Variants in WWOX observed in about 807,000 individuals in gnomAD.
WWOX encodes the protein WW domain containing oxidoreductase, also known as WW domain-containing oxidoreductase.
Under a neutral mutation model 46.2 loss-of-function variants are expected in WWOX, and 69 were observed. The ratio of observed to expected loss-of-function variants is 1.49; its 90% CI spans 1.23 to 1.82. WWOX has a LOEUF of 1.82. WWOX is among the 40% of genes most tolerant of loss of function. WWOX has a pLI of 0.00. For synonymous variants in WWOX, 359 were observed against 202.6 expected (o/e 1.77, Z -6.56); for missense variants, 919 against 542.6 (o/e 1.69, Z -6.89).
intron 8 of WWOX, among the ~76,000 whole-genome samples, chr16:78,648,155 C>G (rs189890361): frequency 1.2e-3 from 182 of 152,322 alleles, no homozygotes; most frequent in Admixed American, 2.0e-3. Flanking sequence ...ACATTACCAC[C>G]TCCCAGGAGT....
Position 78,548,177 on chromosome 16 carries a change from A to AAC in WWOX, c.1056+115426_1056+115427insCA, listed in dbSNP as rs1567636478. Among the ~76,000 whole-genome samples the AAC allele has an allele frequency of 8.4e-5, 8 of 95,142 alleles. 1 individual carries two copies. Among genetic ancestry groups the AAC allele is most frequent in the South Asian group, 3.3e-4 (1 of 2,988 alleles). 62.4% of individuals were successfully genotyped at this position (95,142 alleles called of 152,430 possible). ...CAAAAAAAAAAAAAAAAAAAAAAAA[A>AAC]ATTACGAATTTTGCGAGGACGCAAA... is the stretch of plus-strand genomic sequence containing the variant. On this transcript the variant is annotated intron_variant, in intron 8 of 8. Transcript: ENST00000566780.
Position 79,023,050 on chromosome 16 carries a change from AAC to A in WWOX, c.1057-188556_1057-188555del, listed in dbSNP as rs956646093. 1.6e-3 allele frequency among the ~76,000 whole-genome samples: 236 copies of A among 151,556 alleles called. 1 individual carries two copies. Among genetic ancestry groups the A allele is most frequent in the African/African-American group, 5.3e-3 (217 of 40,910 alleles). ...CTCACTGCTGTTGGCTTATTGAAAA[AAC>A]AAAAATAATACCTACAATAACCACA... On this transcript the variant is annotated intron_variant, in intron 8 of 8. Coordinates refer to ENST00000566780, the MANE Select transcript of WWOX (RefSeq NM_016373.4).
intron 8 of WWOX, among the ~76,000 whole-genome samples, chr16:78,510,925 C>T (rs928675384): frequency 6.6e-6 from 1 of 152,202 alleles, no homozygotes; most frequent in Non-Finnish European, 1.5e-5. Context: ...AAAGATGGTG[C>T]TTGTTGGTTG....
intron 8 of WWOX, among the ~76,000 whole-genome samples, chr16:79,075,159 A>G (rs2048631227): frequency 6.6e-6 from 1 of 152,190 alleles, no homozygotes; most frequent in Non-Finnish European, 1.5e-5. Flanking sequence ...CTGAATTAGA[A>G]TCTCTGGAAG....
chr16:78,885,641 A>G (rs920495222), intron 8 of WWOX, among the ~76,000 whole-genome samples: 1 of 152,174 alleles, frequency 6.6e-6, no homozygotes, highest in African/African-American at 2.4e-5. Context: ...GCAAGTTGCA[A>G]TTTGGTAGAC....
At chr16:78,930,618 A>G (rs1216413760) in intron 8 of WWOX, among the ~76,000 whole-genome samples, 1 of 150,262 alleles carries the variant, frequency 6.7e-6, no homozygotes, top group Admixed American at 6.6e-5. Context: ...TTTTAAACAA[A>G]CTTCACTCAG....
intron 8 of WWOX, among the ~76,000 whole-genome samples, chr16:78,657,755 T>C (rs2047114466): frequency 6.6e-6 from 1 of 152,316 alleles, no homozygotes; most frequent in South Asian, 2.1e-4. Context: ...GCTCCCTCTC[T>C]TGGGCCAAGC....
At chr16:78,798,654 T>C (rs1023264926) in intron 8 of WWOX, among the ~76,000 whole-genome samples, 5 of 151,716 alleles carry the variant, frequency 3.3e-5, no homozygotes, top group South Asian at 2.1e-4. Flanking sequence ...TCGAAACATA[T>C]ATATTTTTAA....
chr16:78,413,802 C>T (rs2082735901), intron 6 of WWOX, among the ~76,000 whole-genome samples: 7 of 151,990 alleles, frequency 4.6e-5, no homozygotes. Flanking sequence ...GTTGGCAGGT[C>T]TGCATGGGGC....
chr16:79,100,467 C>G (rs2049169203), intron 8 of WWOX, among the ~76,000 whole-genome samples: 1 of 152,008 alleles, frequency 6.6e-6, no homozygotes, highest in Admixed American at 6.6e-5. Flanking sequence ...CAAACGGGCC[C>G]AAATCTTACA....
At chr16:78,852,054 T>G (rs1007300970) in intron 8 of WWOX, among the ~76,000 whole-genome samples, 1 of 152,150 alleles carries the variant, frequency 6.6e-6, no homozygotes, top group African/African-American at 2.4e-5. Flanking sequence ...AACTGGGACA[T>G]GTTTGTATTT....
chr16:78,907,902 C>T (rs1053997157), intron 8 of WWOX, among the ~76,000 whole-genome samples: 9 of 152,090 alleles, frequency 5.9e-5, no homozygotes, highest in African/African-American at 1.9e-4. Flanking sequence ...ATGAATTCAC[C>T]AACTGCAAGG....
intron 8 of WWOX, among the ~76,000 whole-genome samples, chr16:78,789,718 T>G (rs923086304): frequency 2.0e-5 from 3 of 152,242 alleles, no homozygotes; most frequent in East Asian, 3.8e-4. Flanking sequence ...GCATATTTTT[T>G]GAACAGTCAT....
chr16:78,428,344 TCAGA>T (rs5818137), intron 7 of WWOX, among the ~76,000 whole-genome samples: 519 of 152,332 alleles, frequency 3.4e-3, no homozygotes, highest in South Asian at 8.1e-3. Flanking sequence ...CGTTTCTGGC[TCAGA>T]CAGATAAGAA....
intron 8 of WWOX, among the ~76,000 whole-genome samples, chr16:78,733,888 A>G (rs1239056767): frequency 1.3e-5 from 2 of 152,136 alleles, no homozygotes; most frequent in African/African-American, 2.4e-5. Context: ...CAACGTACAG[A>G]GACCTCATCT....
intron 8 of WWOX, among the ~76,000 whole-genome samples, chr16:78,669,160 C>A (rs1375407851): frequency 6.6e-6 from 1 of 152,110 alleles, no homozygotes; most frequent in Non-Finnish European, 1.5e-5. Context: ...GGAGAAGGGA[C>A]CCCAGAACCG....
chr16:78,366,251 G>C (rs1157439111), intron 5 of WWOX, among the ~76,000 whole-genome samples: 2 of 152,214 alleles, frequency 1.3e-5, no homozygotes, highest in Non-Finnish European at 2.9e-5. Context: ...TATGTACGAA[G>C]TGAAATACTG....
chr16:78,835,865 TA>T (rs774104979), intron 8 of WWOX, among the ~76,000 whole-genome samples: 59 of 152,234 alleles, frequency 3.9e-4, no homozygotes, highest in Non-Finnish European at 1.2e-4. Flanking sequence ...TCAACATATT[TA>T]TTTTTTTGTT....
chr16:79,108,262 C>G (rs928068225), intron 8 of WWOX, among the ~76,000 whole-genome samples: 2 of 152,338 alleles, frequency 1.3e-5, no homozygotes, highest in African/African-American at 4.8e-5. Context: ...ATATCCTCTG[C>G]AAAAGCATCA....
Sources: allele counts gnomAD v4.1 joint callset (sites outside exome capture counted in the v4.1 genomes callset), GRCh38; gene constraint gnomAD v4.1.1; transcripts MANE v1.5; gene names NCBI Gene and HGNC (gene_info 2026-07-23, HGNC 2026-07-21).